The following DYRK1B variants were observed in gnomAD, a reference collection of about 807,000 sequenced individuals.
DYRK1B encodes the protein dual specificity tyrosine-phosphorylation-regulated kinase 1B.
DYRK1B carries 20 observed loss-of-function variants against 57.1 expected under a neutral mutation model. The ratio of observed to expected loss-of-function variants is 0.35; its 90% confidence interval spans 0.25 to 0.51. DYRK1B has a LOEUF of 0.51. DYRK1B is among the 20% of genes least tolerant of loss of function. The pLI is 0.96. For missense variants in DYRK1B, 732 were observed against 886.3 expected (o/e 0.83, Z 2.21); for synonymous variants, 409 against 384.7 (o/e 1.06, Z -0.74).
rs1968528311 is a variant in DYRK1B, at chr19:39,826,219, A to G, written c.1479T>C (p.Pro493=). 1.9e-6 allele frequency: 3 copies of G among 1,596,706 alleles called. No individual in the cohort carries two copies. Among genetic ancestry groups the G allele is most frequent in the African/African-American group, 1.4e-5 (1 of 73,762 alleles). ...YRYSNRYCGG[P]GPPITDCEMN... ...TCTCACAGTCTGTGATAGGGGGCCC[A>G]GGGCCCCCACAATATCGGTTGCTGT... is the stretch of plus-strand genomic sequence containing the variant. The change falls in exon 10 of 11, where the codon CCT becomes CCC. Residue 493 remains proline (P), a synonymous_variant. Transcript: ENST00000323039. This position sits in a 1 kb window ranked among gnomAD's most constrained non-coding sequence, Gnocchi z 6.3.
chr19:39,833,085 T>TTG (rs1281952711), intron 1 of DYRK1B: 3 of 985,274 alleles, frequency 3.0e-6, no homozygotes, highest in Admixed American at 6.1e-5. Flanking sequence ...CTCCCAGAGT[T>TTG]GTCAGCTACA....
intron 8 of DYRK1B, 27 bp from the exon 9 acceptor site, chr19:39,827,014 G>GGGGGGGGGGGGGGGGCC: frequency 2.4e-6 from 1 of 419,588 alleles, no homozygotes; most frequent in Non-Finnish European, 4.3e-6. Context: ...GGGAGGGGGG[G>GGGGGGGGGGGGGGGGCC]CAAGAGAGTG....
chr19:39,829,214 GTTT>G (rs1465681168), intron 5 of DYRK1B, among the ~76,000 whole-genome samples: 1 of 149,990 alleles, frequency 6.7e-6, no homozygotes, highest in Non-Finnish European at 1.5e-5. Context: ...ATTAGGTTTG[GTTT>G]TTTGTTTGTT....
rs775393000 is a variant in DYRK1B at position 39,827,641 on chromosome 19, G to A, written c.823C>T (p.Gln275Ter). The change falls in exon 7 of 11, where the codon CAG (glutamine) becomes TAG (stop). Residue 275 changes from glutamine to a stop codon, truncating the protein, a stop_gained. Transcript: ENST00000323039. LOFTEE classifies it high-confidence loss of function. ...QLGQRIYQYI[Q>*]SRFYRSPEVL... ...TCAGGTGAGCGGTAGAAGCGGCTCT[G>A]GATATACTGGTAGATCTGGGAAAAG... The A allele has an allele frequency of 5.6e-6, 9 of 1,613,728 alleles. No homozygotes were observed. Among genetic ancestry groups the A allele is most frequent in the East Asian group, 2.2e-5 (1 of 44,892 alleles).
chr19:39,829,107 A>C (rs1458265991), intron 5 of DYRK1B, among the ~76,000 whole-genome samples: 5 of 152,024 alleles, frequency 3.3e-5, no homozygotes. Context: ...AATTAGTACA[A>C]ACTGCCACCT....
At position 39,825,617 on chromosome 19, in the gene DYRK1B, C is replaced by A; in HGVS notation, c.*98G>T. 7.5e-7 allele frequency: 1 copy of A among 1,326,704 alleles called. No individual in the cohort carries two copies. The highest frequency in any genetic ancestry group is 1.0e-6 in the Non-Finnish European group (1 of 965,662). The allele number at this position is 1,326,704 out of a possible 1,614,324, so 82.2% of individuals were successfully genotyped here. On this transcript the variant is annotated 3_prime_UTR_variant, in exon 11 of 11. Transcript: ENST00000323039. ...GGCCTCACCCACCCCAGCTGGGTAG[C>A]AGCAATTCCAGTCAAGGAGAGAGAT...
Position 39,825,595 on chromosome 19 carries a change from C to T in DYRK1B, c.*120G>A, listed in dbSNP as rs1968489110. The T allele has an allele frequency of 9.6e-6, 11 of 1,145,130 alleles. No homozygotes were observed. Among genetic ancestry groups the T allele is most frequent in the Admixed American group, 4.3e-5 (2 of 46,628 alleles). 70.9% of individuals were successfully genotyped at this position (1,145,130 alleles called of 1,614,324 possible). On this transcript the variant is annotated 3_prime_UTR_variant, in exon 11 of 11. Coordinates refer to ENST00000323039, the MANE Select transcript of DYRK1B (RefSeq NM_004714.3). ...GCCCCAGGCCCCAATCAGTGCAGGC[C>T]TCACCCACCCCAGCTGGGTAGCAGC...
chr19:39,830,669 T>C lies in DYRK1B; in HGVS notation c.178A>G (p.Asn60Asp). The change falls in exon 3 of 11, where the codon AAT (asparagine) becomes GAT (aspartate). Residue 60 changes from asparagine (N) to aspartate (D), a missense_variant. Physicochemically the swap from Asn to Asp is conservative, Grantham distance 23. Coordinates refer to ENST00000323039, the MANE Select transcript of DYRK1B (RefSeq NM_004714.3). Reference protein sequence around the residue: ...VDLIKTYKHINEVYYAKKKRR... With the variant: ...VDLIKTYKHIDEVYYAKKKRR... ...ATCCCCCAGCCCCTGCCCACCTCAT[T>C]GATGTGCTTGTAGGTCTTGATGAGG... is the stretch of plus-strand genomic sequence containing the variant. 6.2e-7 allele frequency: 1 copy of C among 1,613,830 alleles called. No homozygotes were observed. Among genetic ancestry groups the C allele is most frequent in the Non-Finnish European group, 8.5e-7 (1 of 1,179,886 alleles).
At chr19:39,833,491 G>A (rs1167558903) in intron 1 of DYRK1B, 2 of 302,000 alleles carry the variant, frequency 6.6e-6, no homozygotes, top group East Asian at 1.7e-4. Flanking sequence ...GGGGACAAGG[G>A]TCAGCCCAGG....
At position 39,826,371 on chromosome 19, in the gene DYRK1B, C is replaced by T. The variant is rs983359102; in HGVS notation, c.1412-85G>A. 42 of 1,128,528 alleles carry T rather than the reference C, an allele frequency of 3.7e-5. No homozygotes were observed. In the Admixed American group the frequency reaches 4.9e-4, roughly 13 times the overall value. The allele number at this position is 1,128,528 out of a possible 1,614,324, so 69.9% of individuals were successfully genotyped here. On this transcript the variant is annotated intron_variant, in intron 9 of 10. Coordinates refer to ENST00000323039, the MANE Select transcript of DYRK1B (RefSeq NM_004714.3). The surrounding 1 kb of genome is among the most constrained non-coding windows in gnomAD (Gnocchi z 6.3). ...TTTTGGGATGGCTGAGGGAAGGTCA[C>T]GGCCCAGGCTCAGGTTCAGGCTTCA... is the stretch of plus-strand genomic sequence containing the variant.
rs1396034232 is a variant in DYRK1B at position 39,830,763 on chromosome 19, T to C, written c.84A>G (p.Leu28=). The part of the protein sequence containing the change: ...EHTQVLPDVR[L]LPRRLPLAFR... Reference sequence around the variant, plus strand: ...AGGCCAGGGGCAGCCTCCGAGGCAGTAGCCGCACATCAGGCAATACCTGCA... The same window carrying C: ...AGGCCAGGGGCAGCCTCCGAGGCAGCAGCCGCACATCAGGCAATACCTGCA... The change falls in exon 3 of 11, where the codon CTA becomes CTG. Residue 28 remains leucine (L), a synonymous_variant. Transcript: ENST00000323039. 4 of 1,613,688 alleles carry C rather than the reference T, an allele frequency of 2.5e-6. No homozygotes were observed. Among genetic ancestry groups the C allele is most frequent in the East Asian group, 4.5e-5 (2 of 44,886 alleles).
In DYRK1B at chr19:39,830,728, G is replaced by C; in HGVS notation, c.119C>G (p.Ala40Gly). The C allele has an allele frequency of 6.2e-7, 1 of 1,614,160 alleles. No homozygotes were observed. Among genetic ancestry groups the C allele is most frequent in the Non-Finnish European group, 8.5e-7 (1 of 1,180,026 alleles). The change falls in exon 3 of 11, where the codon GCA becomes GGA. Residue 40 changes from alanine to glycine, a missense_variant. Transcript: ENST00000323039. The stretch of plus-strand genomic sequence containing the variant: ...GAGCTTACGCAGCGGGGCTGAGGTT[G>C]CATCCCGGAAGGCCAGGGGCAGCCT... Reference protein sequence around the residue: ...PRRLPLAFRDATSAPLRKLSV... With the variant: ...PRRLPLAFRDGTSAPLRKLSV...
rs758562354 is a variant in DYRK1B, at chr19:39,829,998, C to T, written c.402G>A (p.Gln134=). 5.0e-6 allele frequency: 8 copies of T among 1,613,974 alleles called. No homozygotes were observed. The highest frequency in any genetic ancestry group is 1.6e-4 in the Middle Eastern group (1 of 6,072). Residue 134 remains glutamine (Q), a synonymous_variant, in exon 5 of 11, where the codon CAG becomes CAA. Transcript: ENST00000323039. The part of the protein sequence containing the change: ...QVVKAYDHQT[Q]ELVAIKIIKN... The stretch of plus-strand genomic sequence containing the variant: ...TGATGATCTTGATGGCCACAAGCTC[C>T]TGGGTCTGATGATCATAGGCTTTCA...
chr19:39,825,859 A>C lies in DYRK1B; in HGVS notation c.1746T>G (p.Pro582=). 1 of 1,604,648 alleles carries C rather than the reference A, an allele frequency of 6.2e-7. No homozygotes were observed. Among genetic ancestry groups the C allele is most frequent in the Non-Finnish European group, 8.5e-7 (1 of 1,176,110 alleles). The stretch of plus-strand genomic sequence containing the variant: ...CTGAGGCAGCCGGGTGCTGGGGGGC[A>C]GGCGCTGGGTGAGGTGGGGAGCAGT... ...PADCSPPHPA[P]APQHPAASAL... Residue 582 remains proline (P), a synonymous_variant, in exon 11 of 11, where the codon CCT becomes CCG. Transcript: ENST00000323039.
At chr19:39,832,901 C>G (rs1482769319) in intron 1 of DYRK1B, 1 of 984,552 alleles carries the variant, frequency 1.0e-6, no homozygotes, top group African/African-American at 1.8e-5. Context: ...GAGTGATCAT[C>G]CTTTTCTCCC....
chr19:39,827,024 G>T, intron 8 of DYRK1B, 37 bp from the exon 9 acceptor site: 2 of 1,379,022 alleles, frequency 1.5e-6, no homozygotes, highest in Non-Finnish European at 1.9e-6. Flanking sequence ...GCAAGAGAGT[G>T]GCCGTCAGTG....
chr19:39,833,859 G>A (rs1183494016), intron 1 of DYRK1B, among the ~76,000 whole-genome samples, 164 bp downstream of exon 1: 2 of 152,084 alleles, frequency 1.3e-5, no homozygotes, highest in Non-Finnish European at 2.9e-5. Flanking sequence ...CCGGTTCCAG[G>A]AATTCAACTA....
Position 39,826,390 on chromosome 19 carries a change from G to A in DYRK1B, c.1412-104C>T. On this transcript the variant is annotated intron_variant, in intron 9 of 10. Transcript: ENST00000323039. This position sits in a 1 kb window ranked among gnomAD's most constrained non-coding sequence, Gnocchi z 6.3. ...AGGTCACGGCCCAGGCTCAGGTTCA[G>A]GCTTCAAGAGCAGAGCCCATCTGAA... The A allele has an allele frequency of 2.0e-6, 2 of 988,046 alleles. No homozygotes were observed. Among genetic ancestry groups the A allele is most frequent in the Non-Finnish European group, 2.9e-6 (2 of 686,806 alleles). The allele number at this position is 988,046 out of a possible 1,614,324, so 61.2% of individuals were successfully genotyped here.
chr19:39,825,819 T>A lies in DYRK1B; in HGVS notation c.1786A>T (p.Met596Leu). The A allele has an allele frequency of 6.2e-7, 1 of 1,606,944 alleles. No homozygotes were observed. Among genetic ancestry groups the A allele is most frequent in the Non-Finnish European group, 8.5e-7 (1 of 1,177,324 alleles). The change falls in exon 11 of 11, where the codon ATG becomes TTG. Residue 596 changes from methionine (M) to leucine (L), a missense_variant. Physicochemically the swap from Met to Leu is conservative, Grantham distance 15 (BLOSUM62 2). Around this residue, in one of 2 missense-constraint regions of DYRK1B, gnomAD observed 222 missense variants for 205.0 expected, o/e 1.08. Transcript: ENST00000323039. Reference sequence around the variant, plus strand: ...GGGAGGGGTGGACGACCTCCAGTCATCCGAGTCCGGAGGGCTGAGGCAGCC... The same window carrying A: ...GGGAGGGGTGGACGACCTCCAGTCAACCGAGTCCGGAGGGCTGAGGCAGCC... ...HPAASALRTR[M>L]TGGRPPLPPP...
Sources: gnomAD v4.1 joint callset for allele counts (sites outside exome capture counted in the v4.1 genomes callset) on GRCh38, gnomAD v4.1.1 for gene constraint, gnomAD v4.1.1 regional missense constraint, Gnocchi (gnomAD v3.1) non-coding constraint, MANE v1.5 for transcripts, NCBI Gene and HGNC (gene_info 2026-07-23, HGNC 2026-07-21) for gene names.